VAV3: variants seen among roughly 807,000 people sequenced by gnomAD.
VAV3 encodes guanine nucleotide exchange factor VAV3.
In VAV3, 94 loss-of-function variants were observed where a neutral mutation model predicts 131.2. The observed-to-expected ratio is 0.72, with a 90% CI of 0.61 to 0.85. The LOEUF (loss-of-function observed/expected upper bound fraction) is 0.85. VAV3 is among the 40% of genes least tolerant of loss of function. VAV3 has a pLI of 0.00. For synonymous variants in VAV3, 349 were observed against 342.0 expected, an observed-to-expected ratio of 1.02 and a Z score of -0.22; for missense variants, 939 against 1,002.7, an observed-to-expected ratio of 0.94 and a Z score of 0.86.
intron 1 of VAV3, among the ~76,000 whole-genome samples, chr1:107,897,663 G>C (rs754310040): frequency 6.6e-6 from 1 of 152,084 alleles, no homozygotes; most frequent in Admixed American, 6.5e-5. Context: ...CGGTAACTCA[G>C]TAAGTGCATA....
intron 19 of VAV3, among the ~76,000 whole-genome samples, chr1:107,660,885 A>G (rs757204553): frequency 6.6e-6 from 1 of 152,150 alleles, no homozygotes; most frequent in Non-Finnish European, 1.5e-5. Context: ...GGAAGCACAA[A>G]CCAAAAGGAC....
chr1:107,847,462 C>A (rs560155381), intron 2 of VAV3, among the ~76,000 whole-genome samples: 84 of 151,894 alleles, frequency 5.5e-4, no homozygotes, highest in African/African-American at 1.9e-3. Flanking sequence ...AAAAACCCTT[C>A]AAAAAAATCA....
intron 20 of VAV3, among the ~76,000 whole-genome samples, chr1:107,640,175 T>C (rs1655237377): frequency 2.0e-5 from 3 of 152,186 alleles, no homozygotes; most frequent in Non-Finnish European, 2.9e-5. Context: ...TGAATGTTCA[T>C]AGAAGCTTTA....
intron 1 of VAV3, among the ~76,000 whole-genome samples, chr1:107,933,261 T>C (rs1327086922): frequency 6.6e-6 from 1 of 151,700 alleles, no homozygotes; most frequent in Non-Finnish European, 1.5e-5. Flanking sequence ...ATTTGGTTGG[T>C]GGTGGTGTGG....
chr1:107,663,944 G>GA (rs1258398942), intron 19 of VAV3, among the ~76,000 whole-genome samples: 3 of 151,582 alleles, frequency 2.0e-5, no homozygotes, highest in Non-Finnish European at 4.4e-5. Context: ...CTTATGATAT[G>GA]AAAAAAATTA....
At chr1:107,776,958 G>C (rs1214116630) in intron 4 of VAV3, among the ~76,000 whole-genome samples, 1 of 152,162 alleles carries the variant, frequency 6.6e-6, no homozygotes, top group African/African-American at 2.4e-5. Context: ...CCTAACTCCA[G>C]TTTTATCTAC....
chr1:107,822,481 C>T lies in VAV3; in HGVS notation c.322-42989G>A, dbSNP rs1283115438. Among the ~76,000 whole-genome samples, 3 of 151,832 alleles carry T rather than the reference C, an allele frequency of 2.0e-5. 1 individual carries two copies. Among genetic ancestry groups the T allele is most frequent in the African/African-American group, 4.8e-5 (2 of 41,392 alleles). The stretch of plus-strand genomic sequence containing the variant: ...CATCCTGGCTAACATGGTGAAATCC[C>T]GTCTCTATTAAAAATACAAAAAAAA... On this transcript the variant is annotated intron_variant, in intron 2 of 26. Transcript: ENST00000370056.
At chr1:107,695,725 A>T (rs921030687) in intron 17 of VAV3, among the ~76,000 whole-genome samples, 1 of 152,194 alleles carries the variant, frequency 6.6e-6, no homozygotes, top group Non-Finnish European at 1.5e-5. Context: ...CAGGAAAGTC[A>T]ATCAGATTTC....
intron 2 of VAV3, chr1:107,862,581 C>G (rs903517338): frequency 1.3e-5 from 2 of 151,478 alleles, no homozygotes; most frequent in African/African-American, 4.8e-5. Context: ...CTGGAATTAA[C>G]CAATTCTCCT....
intron 20 of VAV3, among the ~76,000 whole-genome samples, chr1:107,639,325 C>T (rs6693140): frequency 0.74 from 112,196 of 151,934 alleles, 42,092 homozygotes; most frequent in Non-Finnish European, 0.81. Context: ...AATTAACAAA[C>T]TGGACTACAT....
chr1:107,843,791 C>CG lies in VAV3; in HGVS notation c.321+31109_321+31110insC, dbSNP rs376942699. 3.5e-3 allele frequency among the ~76,000 whole-genome samples: 534 copies of CG among 152,030 alleles called. 1 individual carries two copies. Among genetic ancestry groups the CG allele is most frequent in the Middle Eastern group, 0.014 (4 of 294 alleles). ...TTTTTGGGGGAGTCTTTTGCCTGTT[C>CG]AGTTGTGACAGATAATCCTAGGATA... is the stretch of plus-strand genomic sequence containing the variant. On this transcript the variant is annotated intron_variant, in intron 2 of 26. Coordinates refer to ENST00000370056, the MANE Select transcript of VAV3 (RefSeq NM_006113.5).
intron 15 of VAV3, among the ~76,000 whole-genome samples, chr1:107,738,201 A>T (rs1249842122): frequency 6.6e-6 from 1 of 152,122 alleles, no homozygotes; most frequent in Non-Finnish European, 1.5e-5. Flanking sequence ...ACTGGGGCCC[A>T]TCTGGGGTGA....
intron 1 of VAV3, among the ~76,000 whole-genome samples, chr1:107,958,936 G>A (rs1674949103): frequency 6.6e-6 from 1 of 152,044 alleles, no homozygotes; most frequent in Non-Finnish European, 1.5e-5. Context: ...CTTTCAATAG[G>A]TATAAAATAA....
chr1:107,708,172 G>A (rs1660564864), intron 15 of VAV3, among the ~76,000 whole-genome samples: 1 of 152,050 alleles, frequency 6.6e-6, no homozygotes, highest in Non-Finnish European at 1.5e-5. Context: ...TTTTATACAG[G>A]ATTGACATCA....
Position 107,573,146 on chromosome 1 carries a change from A to C in VAV3, c.*185T>G. On this transcript the variant is annotated 3_prime_UTR_variant, in exon 27 of 27. Coordinates refer to ENST00000370056, the MANE Select transcript of VAV3 (RefSeq NM_006113.5). ...CTTGCACAGCTCTAGGCAAGCCATTAATCTGTCAGTACCAGCATCTTTAGA... is the reference window on the plus strand; with the variant it reads ...CTTGCACAGCTCTAGGCAAGCCATTCATCTGTCAGTACCAGCATCTTTAGA... 1.5e-6 allele frequency: 1 copy of C among 661,456 alleles called. No individual in the cohort carries two copies. Among genetic ancestry groups the C allele is most frequent in the Non-Finnish European group, 2.5e-6 (1 of 397,202 alleles). 41.0% of individuals were successfully genotyped at this position (661,456 alleles called of 1,614,324 possible).
intron 2 of VAV3, among the ~76,000 whole-genome samples, chr1:107,834,317 T>C (rs1397938355): frequency 6.6e-6 from 1 of 152,172 alleles, no homozygotes; most frequent in Non-Finnish European, 1.5e-5. Context: ...TGTCAAGTCA[T>C]AAATTAGCCC....
intron 2 of VAV3, among the ~76,000 whole-genome samples, chr1:107,780,655 A>G (rs149675460): frequency 3.8e-4 from 58 of 152,162 alleles, no homozygotes; most frequent in African/African-American, 1.3e-3. Flanking sequence ...AGCTGGGATT[A>G]CAGGCACACA....
intron 3 of VAV3, among the ~76,000 whole-genome samples, chr1:107,778,951 A>G (rs1209781356): frequency 6.6e-6 from 1 of 152,156 alleles, no homozygotes; most frequent in Non-Finnish European, 1.5e-5. Flanking sequence ...TAACCAATTT[A>G]CTTCCAGGTT....
chr1:107,845,789 A>T (rs116618008), intron 2 of VAV3, among the ~76,000 whole-genome samples: 4,336 of 152,274 alleles, frequency 0.028, 194 homozygotes, highest in African/African-American at 0.096. Flanking sequence ...TCCAACAAAT[A>T]TGAAACTACG....
Sources: allele counts gnomAD v4.1 joint callset (sites outside exome capture counted in the v4.1 genomes callset), GRCh38; gene constraint gnomAD v4.1.1; transcripts MANE v1.5; gene names NCBI Gene and HGNC (gene_info 2026-07-23, HGNC 2026-07-21).